The following NCKAP5 variants were observed in gnomAD, a reference collection of about 807,000 sequenced individuals.
NCKAP5 encodes the protein NCK associated protein 5.
A neutral mutation model predicts 167.0 loss-of-function variants in NCKAP5; 92 were observed. That is an observed-to-expected ratio of 0.55 (90% CI 0.47 to 0.66). The LOEUF is 0.66. NCKAP5 is among the 30% of genes least tolerant of loss of function. The pLI, the probability that NCKAP5 is intolerant of heterozygous loss-of-function variation, is 0.00. For synonymous variants in NCKAP5, 891 were observed against 877.4 expected (o/e 1.02, Z -0.27); for missense variants, 2,378 against 2,315.0 (o/e 1.03, Z -0.56).
chr2:132,693,474 G>A (rs77314337), intron 19 of NCKAP5, among the ~76,000 whole-genome samples: 5,204 of 152,080 alleles, frequency 0.034, 306 homozygotes, highest in African/African-American at 0.12. Flanking sequence ...ACAAAGATGA[G>A]AGCTGTGCGG....
the NCKAP5 span, among the ~76,000 whole-genome samples, chr2:133,658,059 T>C: frequency 6.6e-6 from 1 of 152,150 alleles, no homozygotes; most frequent in South Asian, 2.1e-4. Context: ...ACTCGGCTCA[T>C]AGCCCTCCCC....
the NCKAP5 span, among the ~76,000 whole-genome samples, chr2:133,620,917 G>C: frequency 6.6e-6 from 1 of 151,954 alleles, no homozygotes; most frequent in Admixed American, 6.6e-5. Flanking sequence ...ATTGTATCAA[G>C]TACTCTCTCA....
chr2:132,984,435 C>T (rs1202147517), intron 7 of NCKAP5, among the ~76,000 whole-genome samples: 4 of 152,180 alleles, frequency 2.6e-5, no homozygotes, highest in Non-Finnish European at 5.9e-5. Flanking sequence ...GGTTGTGGTT[C>T]TGCCTCCTCA....
At chr2:133,630,717 C>T in the NCKAP5 span, among the ~76,000 whole-genome samples, 1 of 152,076 alleles carries the variant, frequency 6.6e-6, no homozygotes, top group Non-Finnish European at 1.5e-5. Flanking sequence ...GGAGAGAGTC[C>T]CAGGCATCTT....
chr2:133,247,023 C>T (rs913704498), intron 4 of NCKAP5, among the ~76,000 whole-genome samples: 2 of 152,158 alleles, frequency 1.3e-5, no homozygotes, highest in Non-Finnish European at 2.9e-5. Flanking sequence ...TTCTTCCTGC[C>T]TGCCTGATCT....
intron 3 of NCKAP5, among the ~76,000 whole-genome samples, chr2:133,450,800 C>G (rs1465074387): frequency 6.6e-6 from 1 of 152,150 alleles, no homozygotes; most frequent in African/African-American, 2.4e-5. Flanking sequence ...ATAATTCAAC[C>G]AAGATCTAAT....
intron 3 of NCKAP5, among the ~76,000 whole-genome samples, chr2:133,478,552 C>T (rs948938130): frequency 2.0e-5 from 3 of 152,038 alleles, no homozygotes; most frequent in East Asian, 1.9e-4. Context: ...GGGTAAAGAT[C>T]GAATCAATTA....
chr2:133,295,525 C>T (rs577875087), intron 4 of NCKAP5, among the ~76,000 whole-genome samples: 151 of 152,184 alleles, frequency 9.9e-4, no homozygotes, highest in African/African-American at 3.1e-3. Flanking sequence ...GACATAGTGA[C>T]GCAGAGTATT....
At chr2:133,028,387 A>G (rs1031290053) in intron 6 of NCKAP5, among the ~76,000 whole-genome samples, 6 of 152,176 alleles carry the variant, frequency 3.9e-5, no homozygotes, top group Non-Finnish European at 7.4e-5. Flanking sequence ...AATAATCACT[A>G]TAACTATCAA....
At chr2:133,328,091 C>T (rs1682578949) in intron 3 of NCKAP5, among the ~76,000 whole-genome samples, 1 of 152,160 alleles carries the variant, frequency 6.6e-6, no homozygotes, top group Non-Finnish European at 1.5e-5. Context: ...CCCCAAGTTA[C>T]CCGATTGGTA....
the NCKAP5 span, among the ~76,000 whole-genome samples, chr2:133,662,750 C>A: frequency 6.6e-6 from 1 of 151,046 alleles, no homozygotes; most frequent in Non-Finnish European, 1.5e-5. Flanking sequence ...TTGGTTATGG[C>A]TATAGTTACT....
At chr2:133,625,440 A>G in the NCKAP5 span, among the ~76,000 whole-genome samples, 1 of 136,582 alleles carries the variant, frequency 7.3e-6, no homozygotes, top group African/African-American at 2.5e-5. Context: ...TCCTTGGATA[A>G]ATGAATGATC....
chr2:133,109,653 TG>T (rs2081842512), intron 6 of NCKAP5, among the ~76,000 whole-genome samples: 1 of 152,186 alleles, frequency 6.6e-6, no homozygotes, highest in Non-Finnish European at 1.5e-5. Context: ...TGATATTTTT[TG>T]AAAGGCTTTT....
intron 5 of NCKAP5, among the ~76,000 whole-genome samples, chr2:133,195,263 C>G (rs181134616): frequency 6.6e-6 from 1 of 152,100 alleles, no homozygotes; most frequent in East Asian, 1.9e-4. Flanking sequence ...GTGTGGCTAT[C>G]GAAATGACAA....
At chr2:133,417,518 CAG>C (rs1200761672) in intron 3 of NCKAP5, among the ~76,000 whole-genome samples, 2 of 152,228 alleles carry the variant, frequency 1.3e-5, no homozygotes, top group Admixed American at 1.3e-4. Context: ...TCCTTCCCAG[CAG>C]AGAGCTGTCG....
chr2:132,929,593 A>G (rs949564036), intron 8 of NCKAP5, among the ~76,000 whole-genome samples: 1 of 152,242 alleles, frequency 6.6e-6, no homozygotes, highest in African/African-American at 2.4e-5. Context: ...ATAAAGCCAC[A>G]GCTGCCTTCT....
chr2:132,887,895 C>T (rs1209001897), intron 8 of NCKAP5, among the ~76,000 whole-genome samples: 1 of 152,186 alleles, frequency 6.6e-6, no homozygotes, highest in African/African-American at 2.4e-5. Context: ...GGTGATCCTA[C>T]CACCTCAGCC....
chr2:133,186,256 C>T (rs1177565286), intron 5 of NCKAP5, among the ~76,000 whole-genome samples: 1 of 151,834 alleles, frequency 6.6e-6, no homozygotes, highest in Non-Finnish European at 1.5e-5. Context: ...ATGAATCATG[C>T]TTATTGATTT....
intron 15 of NCKAP5, among the ~76,000 whole-genome samples, chr2:132,775,269 C>A (rs926472733): frequency 6.6e-6 from 1 of 152,172 alleles, no homozygotes; most frequent in African/African-American, 2.4e-5. Context: ...CTTTTTGCCT[C>A]CTATTTTTCA....
Sources: allele counts gnomAD v4.1 joint callset (sites outside exome capture counted in the v4.1 genomes callset), GRCh38; gene constraint gnomAD v4.1.1; transcripts MANE v1.5; gene names NCBI Gene and HGNC (gene_info 2026-07-23, HGNC 2026-07-21).